LGSN: variants seen among roughly 807,000 people sequenced by gnomAD.
LGSN encodes lengsin, lens protein with glutamine synthetase domain.
LGSN carries 21 observed loss-of-function variants against 19.5 expected under a neutral mutation model. The ratio of observed to expected loss-of-function variants is 1.07; its 90% CI spans 0.76 to 1.55. The LOEUF is 1.55. LGSN is among the 40% of genes most tolerant of loss of function. LGSN has a pLI of 0.00. For missense variants in LGSN, 673 were observed against 608.5 expected, an observed-to-expected ratio of 1.11 and a Z score of -1.12; for synonymous variants, 257 against 215.6, an observed-to-expected ratio of 1.19 and a Z score of -1.68.
At chr6:63,523,432 G>A in the LGSN span, among the ~76,000 whole-genome samples, 2 of 152,160 alleles carry the variant, frequency 1.3e-5, no homozygotes, top group South Asian at 4.2e-4. Context: ...TACTCGGGAG[G>A]TTTGAACCCG....
the LGSN span, among the ~76,000 whole-genome samples, chr6:63,352,974 C>T: frequency 1.3e-5 from 2 of 151,932 alleles, no homozygotes; most frequent in South Asian, 4.2e-4. Flanking sequence ...CTCTTGTGAG[C>T]GCAACAACCT....
chr6:63,510,819 G>A, the LGSN span, among the ~76,000 whole-genome samples: 225 of 151,650 alleles, frequency 1.5e-3, 2 homozygotes, highest in African/African-American at 5.1e-3. Flanking sequence ...GACAACAGGC[G>A]CATGTCACCA....
chr6:63,470,431 A>C, the LGSN span, among the ~76,000 whole-genome samples: 1 of 151,582 alleles, frequency 6.6e-6, no homozygotes, highest in Non-Finnish European at 1.5e-5. Context: ...CAGAGATCGC[A>C]CCACTGCACT....
chr6:63,537,811 C>T, the LGSN span, among the ~76,000 whole-genome samples: 9 of 152,284 alleles, frequency 5.9e-5, no homozygotes, highest in South Asian at 2.1e-4. Flanking sequence ...TATCCTAACC[C>T]GTAGGGCACA....
chr6:63,544,854 T>G, the LGSN span, among the ~76,000 whole-genome samples: 1 of 152,188 alleles, frequency 6.6e-6, no homozygotes, highest in Admixed American at 6.5e-5. Context: ...TTTGGTCACT[T>G]GGTCATGGTG....
chr6:63,451,800 A>G, the LGSN span, among the ~76,000 whole-genome samples: 5 of 152,174 alleles, frequency 3.3e-5, no homozygotes, highest in Non-Finnish European at 5.9e-5. Context: ...ATGCATACAT[A>G]TATCTTATGC....
At chr6:63,305,552 A>G (rs1262951408) in intron 1 of LGSN, among the ~76,000 whole-genome samples, 3 of 152,216 alleles carry the variant, frequency 2.0e-5, no homozygotes, top group Non-Finnish European at 4.4e-5. Flanking sequence ...CCATGTTCAA[A>G]TAAGGGAAAC....
At chr6:63,413,042 C>T in the LGSN span, among the ~76,000 whole-genome samples, 1 of 151,950 alleles carries the variant, frequency 6.6e-6, no homozygotes, top group East Asian at 1.9e-4. Flanking sequence ...AAGGTGAGAA[C>T]AATACATGGG....
the LGSN span, among the ~76,000 whole-genome samples, chr6:63,513,465 A>G: frequency 6.6e-6 from 1 of 152,122 alleles, no homozygotes; most frequent in Non-Finnish European, 1.5e-5. Context: ...CCCAATTACA[A>G]TGTTTGCCGT....
chr6:63,560,211 G>A, the LGSN span, among the ~76,000 whole-genome samples: 9 of 151,708 alleles, frequency 5.9e-5, no homozygotes, highest in African/African-American at 1.4e-4. Flanking sequence ...GGTGGCAAGC[G>A]CCTGTAATCC....
the LGSN span, among the ~76,000 whole-genome samples, chr6:63,434,313 G>A: frequency 2.0e-5 from 3 of 151,284 alleles, no homozygotes; most frequent in African/African-American, 4.9e-5. Context: ...GGTGGTGGGC[G>A]CCTGTGATCC....
chr6:63,385,511 G>T, the LGSN span, among the ~76,000 whole-genome samples: 14 of 152,148 alleles, frequency 9.2e-5, no homozygotes, highest in African/African-American at 3.1e-4. Flanking sequence ...TTTAGCTATT[G>T]ACAAGCTAAG....
chr6:63,343,147 A>C, the LGSN span, among the ~76,000 whole-genome samples: 1 of 152,208 alleles, frequency 6.6e-6, no homozygotes, highest in East Asian at 1.9e-4. Context: ...GAATAATGTT[A>C]ATTATGATTT....
At chr6:63,351,670 C>G in the LGSN span, among the ~76,000 whole-genome samples, 4 of 152,086 alleles carry the variant, frequency 2.6e-5, no homozygotes, top group South Asian at 8.3e-4. Flanking sequence ...GTTGGCCACT[C>G]TGGTCTCGAA....
the LGSN span, among the ~76,000 whole-genome samples, chr6:63,405,019 T>C: frequency 7.2e-5 from 10 of 138,666 alleles, no homozygotes; most frequent in African/African-American, 1.9e-4. Context: ...TGTGATCTCA[T>C]TGTTCAATTC....
the LGSN span, among the ~76,000 whole-genome samples, chr6:63,521,162 T>C: frequency 6.6e-6 from 1 of 151,988 alleles, no homozygotes; most frequent in African/African-American, 2.4e-5. Flanking sequence ...CAAACCACCA[T>C]GGTACATGTA....
At chr6:63,285,231 G>A (rs1478811718) in intron 3 of LGSN, among the ~76,000 whole-genome samples, 2 of 151,954 alleles carry the variant, frequency 1.3e-5, no homozygotes, top group African/African-American at 2.4e-5. Context: ...TTGCTTTTGG[G>A]TCTTCTGTTG....
chr6:63,278,085 A>C lies in LGSN; in HGVS notation c.*1936T>G, dbSNP rs1235601848. 2.6e-5 allele frequency: 4 copies of C among 152,112 alleles called. No individual in the cohort carries two copies. The highest frequency in any genetic ancestry group is 2.0e-4 in the Admixed American group (3 of 15,264). 9.4% of individuals were successfully genotyped at this position (152,112 alleles called of 1,614,324 possible). A position where few individuals can be genotyped will look rare whatever the true frequency, so the allele number is the denominator to read the frequency against. ...AGCGAGACTCCATCTCGGAAAAAAA[A>C]AAAAAATACAAGAAAAGAAAAGAAA... On this transcript the variant is annotated 3_prime_UTR_variant, in exon 4 of 4. Transcript: ENST00000370657.
Position 63,319,926 on chromosome 6 carries a change from G to A in LGSN, c.18C>T (p.Asp6=), listed in dbSNP as rs540873550. ...ATTAGCTTCATACCTCCTGCAGAAG[G>A]TCCTCTTCATTATTCATCTCAACAC... is the stretch of plus-strand genomic sequence containing the variant. MNNEE[D]LLQEDSTRDE... The change falls in exon 1 of 4, where the codon GAC becomes GAT. Residue 6 remains aspartate (D), a synonymous_variant. Transcript: ENST00000370657. 9 of 1,609,452 alleles carry A rather than the reference G, an allele frequency of 5.6e-6. No individual in the cohort carries two copies. The African/African-American group carries it at 1.2e-4, about 21-fold the overall frequency.
Sources: allele counts gnomAD v4.1 joint callset (sites outside exome capture counted in the v4.1 genomes callset), GRCh38; gene constraint gnomAD v4.1.1; transcripts MANE v1.5; gene names NCBI Gene and HGNC (gene_info 2026-07-23, HGNC 2026-07-21).